The following SHC3 variants were observed in gnomAD, a reference collection of about 807,000 sequenced individuals.
The protein encoded by SHC3 is SHC adaptor protein 3, also known as SHC-transforming protein 3.
Under a neutral mutation model 60.4 loss-of-function variants are expected in SHC3, and 15 were observed. The ratio of observed to expected loss-of-function variants is 0.25; its 90% CI spans 0.17 to 0.38. The LOEUF (loss-of-function observed/expected upper bound fraction) is 0.38. Ranked by LOEUF, SHC3 falls within the 10% of genes least tolerant of loss-of-function variation. The probability of loss-of-function intolerance (pLI) is 1.00; values close to 1 mark genes in which losing one functional copy is unlikely to be tolerated. For synonymous variants in SHC3, 294 were observed against 325.9 expected, an observed-to-expected ratio of 0.90 and a Z score of 1.05; for missense variants, 677 against 786.1, an observed-to-expected ratio of 0.86 and a Z score of 1.66.
chr9:89,022,094 C>A (rs1162295139), intron 11 of SHC3, among the ~76,000 whole-genome samples: 3 of 152,112 alleles, frequency 2.0e-5, no homozygotes, highest in Non-Finnish European at 4.4e-5. Context: ...AGAACTGAGG[C>A]CTCAGTTCAT....
In SHC3 at chr9:89,178,428, C is replaced by T. The variant is rs372827568; in HGVS notation, c.33G>A (p.Arg11=). 1.9e-5 allele frequency: 29 copies of T among 1,516,292 alleles called. No homozygotes were observed. In the African/African-American group the frequency reaches 2.9e-4, roughly 15 times the overall value. The allele number at this position is 1,516,292 out of a possible 1,614,324, so 93.9% of individuals were successfully genotyped here. A position where few individuals can be genotyped will look rare whatever the true frequency, so the allele number is the denominator to read the frequency against. The change falls in exon 1 of 12, where the codon AGG becomes AGA. Residue 11 remains arginine, a synonymous_variant. Coordinates refer to ENST00000375835, the MANE Select transcript of SHC3 (RefSeq NM_016848.6). This position sits in a 1 kb window ranked among gnomAD's most constrained non-coding sequence, Gnocchi z 6.9. MLPRTKYNRF[R]NDSVTSVDDL... ...CATCGACCGATGTCACCGAGTCATT[C>T]CTGAAGCGGTTATACTTGGTGCGTG...
intron 1 of SHC3, among the ~76,000 whole-genome samples, chr9:89,123,630 G>A (rs768398058): frequency 1.1e-4 from 17 of 152,148 alleles, no homozygotes; most frequent in Non-Finnish European, 2.1e-4. Flanking sequence ...GGGGAGTACC[G>A]GCTGCTTTTT....
At chr9:89,093,184 C>T (rs150327647) in intron 2 of SHC3, among the ~76,000 whole-genome samples, 1 of 152,308 alleles carries the variant, frequency 6.6e-6, no homozygotes, top group African/African-American at 2.4e-5. Context: ...CCAGCAATAA[C>T]ACACAACACA....
intron 6 of SHC3, among the ~76,000 whole-genome samples, chr9:89,059,762 G>T (rs2117960347): frequency 9.7e-6 from 1 of 103,258 alleles, no homozygotes; most frequent in Admixed American, 9.9e-5. Context: ...GATGGTGGTG[G>T]AGGATGGTGG....
intron 6 of SHC3, among the ~76,000 whole-genome samples, chr9:89,054,366 A>G (rs1488393314): frequency 6.6e-6 from 1 of 152,216 alleles, no homozygotes; most frequent in African/African-American, 2.4e-5. Flanking sequence ...AGAGTCCTCA[A>G]TGAATGGAGA....
intron 1 of SHC3, among the ~76,000 whole-genome samples, chr9:89,152,429 A>G (rs972582589): frequency 1.3e-5 from 2 of 152,228 alleles, no homozygotes; most frequent in African/African-American, 2.4e-5. Flanking sequence ...AAAATCCTTC[A>G]GAATTGCTCA....
chr9:89,050,072 T>C lies in SHC3; in HGVS notation c.962+1965A>G, dbSNP rs12351405. ...GTCAAACTTACGTTGGATGGATACA[T>C]AGATATGTGATATTATAAGTAAAAT... On this transcript the variant is annotated intron_variant, in intron 7 of 11. Transcript: ENST00000375835. Among the ~76,000 whole-genome samples the C allele has an allele frequency of 6.5e-3, 997 of 152,338 alleles. 7 individuals carry two copies. Among genetic ancestry groups the C allele is most frequent in the African/African-American group, 0.023 (952 of 41,580 alleles).
chr9:89,152,036 AT>A (rs1826552406), intron 1 of SHC3, among the ~76,000 whole-genome samples: 1 of 152,228 alleles, frequency 6.6e-6, no homozygotes, highest in Non-Finnish European at 1.5e-5. Context: ...TCTTTCTAGG[AT>A]TATATTGTTA....
At chr9:89,140,095 T>C (rs1208820938) in intron 1 of SHC3, among the ~76,000 whole-genome samples, 1 of 152,246 alleles carries the variant, frequency 6.6e-6, no homozygotes, top group Non-Finnish European at 1.5e-5. Flanking sequence ...TTAGACTTTT[T>C]ACTTTTCTGA....
intron 1 of SHC3, among the ~76,000 whole-genome samples, chr9:89,157,625 T>C (rs1039238562): frequency 6.6e-6 from 1 of 150,504 alleles, no homozygotes. Flanking sequence ...AGTTTAACAA[T>C]TTTTTTTTTA....
At chr9:89,072,150 A>G (rs1825284510) in intron 4 of SHC3, among the ~76,000 whole-genome samples, 1 of 152,228 alleles carries the variant, frequency 6.6e-6, no homozygotes, top group African/African-American at 2.4e-5. Context: ...GCTCTGATAC[A>G]GAGTGAACTC....
At chr9:89,061,287 A>G (rs62547197) in intron 6 of SHC3, among the ~76,000 whole-genome samples, 6 of 152,260 alleles carry the variant, frequency 3.9e-5, no homozygotes, top group Non-Finnish European at 8.8e-5. Flanking sequence ...AGTTAGAAGC[A>G]GTGCTGTGTT....
chr9:89,153,284 G>A (rs190234188), intron 1 of SHC3, among the ~76,000 whole-genome samples: 1 of 152,166 alleles, frequency 6.6e-6, no homozygotes, highest in Admixed American at 6.5e-5. Flanking sequence ...TCATTCATAG[G>A]CAATCCCCCC....
intron 1 of SHC3, among the ~76,000 whole-genome samples, chr9:89,167,097 C>G (rs1479455252): frequency 6.6e-6 from 1 of 152,012 alleles, no homozygotes; most frequent in African/African-American, 2.4e-5. Flanking sequence ...GCCAGCACAC[C>G]CCTGCCCTGG....
intron 2 of SHC3, chr9:89,109,329 G>A (rs1825912391): frequency 2.3e-6 from 2 of 859,700 alleles, no homozygotes; most frequent in Non-Finnish European, 2.8e-6. Context: ...CATGCAGTCT[G>A]GTTGGCCCCT....
chr9:89,151,073 C>T (rs188651245), intron 1 of SHC3, among the ~76,000 whole-genome samples: 1 of 150,704 alleles, frequency 6.6e-6, no homozygotes, highest in African/African-American at 2.4e-5. Context: ...GGCTGGAGTG[C>T]AGTGCTGTGG....
Position 89,035,815 on chromosome 9 carries a change from AAAAC to A in SHC3, c.1656+2174_1656+2177del, listed in dbSNP as rs1223410188. Among the ~76,000 whole-genome samples the A allele has an allele frequency of 2.8e-5, 4 of 140,518 alleles. No individual in the cohort carries two copies. The East Asian group carries it at 8.6e-4, about 30-fold the overall frequency. The allele number at this position is 140,518 out of a possible 152,430, so 92.2% of individuals were successfully genotyped here. A position where few individuals can be genotyped will look rare whatever the true frequency, so the allele number is the denominator to read the frequency against. On this transcript the variant is annotated intron_variant, in intron 11 of 11. Transcript: ENST00000375835. ...CTACTAAAAATACAAAAACAAGCAA[AAAAC>A]AAACAAACAAAATATATATATATAT...
In SHC3 at chr9:89,132,901, A is replaced by T. The variant is rs930275103; in HGVS notation, c.475-20275T>A. Among the ~76,000 whole-genome samples, 23 of 152,166 alleles carry T rather than the reference A, an allele frequency of 1.5e-4. 1 individual carries two copies. Among genetic ancestry groups the T allele is most frequent in the African/African-American group, 4.3e-4 (18 of 41,552 alleles). On this transcript the variant is annotated intron_variant, in intron 1 of 11. Coordinates refer to ENST00000375835, the MANE Select transcript of SHC3 (RefSeq NM_016848.6). ...AAGCAATGGCAACAAAAGCCAAAAT[A>T]GACAAATGGGATCTAATTAAACTAA... is the stretch of plus-strand genomic sequence containing the variant.
intron 1 of SHC3, among the ~76,000 whole-genome samples, chr9:89,133,819 G>A (rs1190996264): frequency 6.6e-6 from 1 of 152,116 alleles, no homozygotes; most frequent in East Asian, 1.9e-4. Flanking sequence ...TAAATGATGA[G>A]TTAATGGGTG....
Sources: gnomAD v4.1 joint callset for allele counts (sites outside exome capture counted in the v4.1 genomes callset) on GRCh38, gnomAD v4.1.1 for gene constraint, Gnocchi (gnomAD v3.1) non-coding constraint, MANE v1.5 for transcripts, NCBI Gene and HGNC (gene_info 2026-07-23, HGNC 2026-07-21) for gene names.